METTL13: variants seen among roughly 807,000 people sequenced by gnomAD.
METTL13 encodes the protein methyltransferase 13, eEF1A N-terminus and K55.
METTL13 carries 52 observed loss-of-function variants against 67.4 expected under a neutral mutation model. The ratio of observed to expected loss-of-function variants is 0.77; its 90% CI spans 0.62 to 0.97. The LOEUF (loss-of-function observed/expected upper bound fraction) is 0.97. METTL13 is among the 50% of genes least tolerant of loss of function. The probability of loss-of-function intolerance (pLI) is 0.00; values close to 1 mark genes in which losing one functional copy is unlikely to be tolerated. For missense variants in METTL13, 825 were observed against 889.6 expected, an observed-to-expected ratio of 0.93 and a Z score of 0.92; for synonymous variants, 354 against 353.6, an observed-to-expected ratio of 1.00 and a Z score of -0.01.
chr1:171,782,629 G>C (rs1279943490), intron 1 of METTL13, among the ~76,000 whole-genome samples: 4 of 151,906 alleles, frequency 2.6e-5, no homozygotes, highest in Admixed American at 2.6e-4. Flanking sequence ...GCTCATTCTT[G>C]GATTAATAAC....
chr1:171,794,247 G>C, intron 6 of METTL13, 149 bp from the exon 7 acceptor site: 8 of 1,134,410 alleles, frequency 7.1e-6, no homozygotes, highest in Non-Finnish European at 1.0e-5. Context: ...CATGACATCA[G>C]TGCCCTTACA....
intron 3 of METTL13, 25 bp downstream of exon 3, chr1:171,786,103 C>T (rs1313833333): frequency 1.0e-5 from 16 of 1,598,726 alleles, no homozygotes; most frequent in Non-Finnish European, 1.4e-5. Context: ...GTACGGCTTT[C>T]ATGGGTCTCT....
chr1:171,781,930 T>G lies in METTL13; in HGVS notation c.-38T>G. On this transcript the variant is annotated 5_prime_UTR_variant, in exon 1 of 8. The change abolishes the stop of an existing upstream ORF in the 5' untranslated region. Coordinates refer to ENST00000361735, the MANE Select transcript of METTL13 (RefSeq NM_015935.5). ...TCCTCAAATGGTATCTCACAGGGAA[T>G]AGGGGAGTCTTGAAAACGCAGCTTC... is the stretch of plus-strand genomic sequence containing the variant. 1 of 1,612,266 alleles carries G rather than the reference T, an allele frequency of 6.2e-7. No homozygotes were observed. The highest frequency in any genetic ancestry group is 8.5e-7 in the Non-Finnish European group (1 of 1,178,956).
In METTL13 at chr1:171,787,860, A is replaced by G. The variant is rs1488218953; in HGVS notation, c.1239A>G (p.Arg413=). The G allele has an allele frequency of 3.7e-6, 6 of 1,614,150 alleles. No individual in the cohort carries two copies. Among genetic ancestry groups the G allele is most frequent in the Non-Finnish European group, 5.1e-6 (6 of 1,180,016 alleles). Residue 413 remains arginine (R), a synonymous_variant, in exon 4 of 8, where the codon CGA becomes CGG. Coordinates refer to ENST00000361735, the MANE Select transcript of METTL13 (RefSeq NM_015935.5). ...VQGDDKRYFR[R]LIFLSNRNVV... ...GGGATGACAAGCGATACTTCCGTCG[A>G]CTGATCTTCCTCAGCAACAGGAATG...
At position 171,787,827 on chromosome 1, in the gene METTL13, T is replaced by A; in HGVS notation, c.1206T>A (p.Asp402Glu). ...SPLSGDYVIE[D>E]VQGDDKRYFR... ...TGAGCGGTGACTATGTCATTGAGGA[T>A]GTGCAAGGGGATGACAAGCGATACT... The change falls in exon 4 of 8, where the codon GAT becomes GAA. Residue 402 changes from aspartate to glutamate, a missense_variant. Physicochemically the swap from Asp to Glu is conservative, Grantham distance 45. Transcript: ENST00000361735. The A allele has an allele frequency of 1.2e-6, 2 of 1,614,154 alleles. No individual in the cohort carries two copies. Among genetic ancestry groups the A allele is most frequent in the Non-Finnish European group, 1.7e-6 (2 of 1,180,034 alleles).
At chr1:171,788,037 T>C in intron 4 of METTL13, 107 bp downstream of exon 4, 1 of 1,074,284 alleles carries the variant, frequency 9.3e-7, no homozygotes, top group African/African-American at 1.5e-5. Flanking sequence ...CTGTAGGTTC[T>C]TAACCATCTG....
chr1:171,784,963 G>A (rs1258378137), intron 2 of METTL13, among the ~76,000 whole-genome samples: 2 of 152,200 alleles, frequency 1.3e-5, no homozygotes, highest in African/African-American at 4.8e-5. Context: ...TGGAGAGGCA[G>A]CATAGGGTAG....
intron 4 of METTL13, 84 bp downstream of exon 4, chr1:171,788,014 T>C: frequency 7.5e-7 from 1 of 1,340,582 alleles, no homozygotes; most frequent in Non-Finnish European, 1.0e-6. Context: ...AGATGTAGGA[T>C]GGACCTGGGT....
chr1:171,795,729 T>G (rs1015282134), intron 7 of METTL13, among the ~76,000 whole-genome samples: 1 of 152,248 alleles, frequency 6.6e-6, no homozygotes, highest in African/African-American at 2.4e-5. Context: ...GTAACTGGCT[T>G]GATTTGGAAT....
intron 3 of METTL13, among the ~76,000 whole-genome samples, 158 bp downstream of exon 3, chr1:171,786,236 G>C (rs750379270): frequency 1.3e-5 from 2 of 152,210 alleles, no homozygotes; most frequent in Non-Finnish European, 2.9e-5. Context: ...CAGGGAAACT[G>C]TCCTTTGCCC....
In METTL13 at chr1:171,796,513, C is replaced by T. The variant is rs1159115799; in HGVS notation, c.1857C>T (p.Asp619=). Reference sequence around the variant, plus strand: ...TTATTCTCAACCTTGTGTGCCGAGACTTGGGGCTAAAAGACTCAGTGCTGG... The same window carrying T: ...TTATTCTCAACCTTGTGTGCCGAGATTTGGGGCTAAAAGACTCAGTGCTGG... ...GVFILNLVCR[D]LGLKDSVLAG... The change falls in exon 8 of 8, where the codon GAC becomes GAT. Residue 619 remains aspartate, a synonymous_variant. Transcript: ENST00000361735. The T allele has an allele frequency of 1.2e-6, 2 of 1,614,190 alleles. No individual in the cohort carries two copies. Among genetic ancestry groups the T allele is most frequent in the Non-Finnish European group, 1.7e-6 (2 of 1,180,048 alleles).
chr1:171,787,776 C>A lies in METTL13; in HGVS notation c.1155C>A (p.Thr385=), dbSNP rs148254472. Reference sequence around the variant, plus strand: ...TGGGTGGGGACATTGGGGTCCGGACCGTTCAGCACCAAGACTGCAGCCCCT... The same window carrying A: ...TGGGTGGGGACATTGGGGTCCGGACAGTTCAGCACCAAGACTGCAGCCCCT... ...LSVGGDIGVR[T]VQHQDCSPLS... The change falls in exon 4 of 8, where the codon ACC becomes ACA. Residue 385 remains threonine, a synonymous_variant. Transcript: ENST00000361735. 2.4e-4 allele frequency: 384 copies of A among 1,613,988 alleles called. No individual in the cohort carries two copies. Among genetic ancestry groups the A allele is most frequent in the Non-Finnish European group, 3.0e-4 (353 of 1,180,008 alleles).
chr1:171,787,753 G>A lies in METTL13; in HGVS notation c.1132G>A (p.Gly378Ser), dbSNP rs1307066832. The change falls in exon 4 of 8, where the codon GGT (glycine) becomes AGT (serine). Residue 378 changes from glycine (G) to serine (S), a missense_variant. Transcript: ENST00000361735. ...CCTTCAGGTCCCCTTTCTGTCTGTG[G>A]GTGGGGACATTGGGGTCCGGACCGT... ...TQQQVPFLSV[G>S]GDIGVRTVQH... is the part of the protein sequence containing the mutation. 7 of 1,613,110 alleles carry A rather than the reference G, an allele frequency of 4.3e-6. No homozygotes were observed. The highest frequency in any genetic ancestry group is 1.7e-4 in the Middle Eastern group (1 of 6,060).
At position 171,782,116 on chromosome 1, in the gene METTL13, A is replaced by G. The variant is rs1267868985; in HGVS notation, c.149A>G (p.Glu50Gly). ...GVLHKYIKPR[E>G]KVLVIGCGNS... ...CTACATAAATATATCAAGCCCAGGG[A>G]AAAGGTGAGGAGCGCGGGTTGGTAG... The change falls in exon 1 of 8, where the codon GAA (glutamate) becomes GGA (glycine). Residue 50 changes from glutamate (E) to glycine (G), a missense_variant. Coordinates refer to ENST00000361735, the MANE Select transcript of METTL13 (RefSeq NM_015935.5). The G allele has an allele frequency of 6.2e-7, 1 of 1,612,242 alleles. No homozygotes were observed. Among genetic ancestry groups the G allele is most frequent in the South Asian group, 1.1e-5 (1 of 90,978 alleles).
At position 171,781,981 on chromosome 1, in the gene METTL13, C is replaced by T. The variant is rs1442027133; in HGVS notation, c.14C>T (p.Pro5Leu). The change falls in exon 1 of 8, where the codon CCT becomes CTT. Residue 5 changes from proline to leucine, a missense_variant. By Grantham distance (98) the Pro-to-Leu change is moderately conservative. Transcript: ENST00000361735. Reference sequence around the variant, plus strand: ...GGCAGTAGGAACATGAACCTCTTACCTAAAAGTTCCAGGGAGTTTGGCTCC... The same window carrying T: ...GGCAGTAGGAACATGAACCTCTTACTTAAAAGTTCCAGGGAGTTTGGCTCC... MNLL[P>L]KSSREFGSVD... is the part of the protein sequence containing the mutation. 1.2e-6 allele frequency: 2 copies of T among 1,614,026 alleles called. No homozygotes were observed. The highest frequency in any genetic ancestry group is 2.7e-5 in the African/African-American group (2 of 74,904).
intron 4 of METTL13, among the ~76,000 whole-genome samples, 190 bp from the exon 5 acceptor site, chr1:171,790,262 G>A (rs903640204): frequency 1.3e-5 from 2 of 152,178 alleles, no homozygotes; most frequent in Non-Finnish European, 2.9e-5. Context: ...CGTGAGATTT[G>A]TAGGGGACAA....
At chr1:171,782,582 T>C (rs112167388) in intron 1 of METTL13, among the ~76,000 whole-genome samples, 112 of 151,696 alleles carry the variant, frequency 7.4e-4, no homozygotes, top group South Asian at 1.5e-3. Context: ...AAAAAACATT[T>C]CTTTAAAGGT....
intron 3 of METTL13, among the ~76,000 whole-genome samples, chr1:171,786,303 A>C (rs1657008111): frequency 1.3e-5 from 2 of 152,212 alleles, no homozygotes; most frequent in African/African-American, 4.8e-5. Flanking sequence ...AGCCTCTCAG[A>C]GTCCATAGAC....
At chr1:171,789,785 C>T (rs1401706280) in intron 4 of METTL13, among the ~76,000 whole-genome samples, 1 of 149,536 alleles carries the variant, frequency 6.7e-6, no homozygotes. Flanking sequence ...ATTTCCTTTT[C>T]CAGCTTCCTT....
Sources: gnomAD v4.1 joint callset for allele counts (sites outside exome capture counted in the v4.1 genomes callset) on GRCh38, gnomAD v4.1.1 for gene constraint, MANE v1.5 for transcripts, NCBI Gene and HGNC (gene_info 2026-07-23, HGNC 2026-07-21) for gene names.